Variants in INPP4B observed in about 807,000 individuals in gnomAD.
The protein encoded by INPP4B is inositol polyphosphate-4-phosphatase type II B, also known as inositol polyphosphate 4-phosphatase type II.
A neutral mutation model predicts 122.5 loss-of-function variants in INPP4B; 55 were observed. The observed-to-expected ratio is 0.45, with a 90% CI of 0.36 to 0.56. The LOEUF is 0.56. INPP4B is among the 20% of genes least tolerant of loss of function. INPP4B has a pLI of 0.00. For missense variants in INPP4B, 1,000 were observed against 1,097.7 expected, an observed-to-expected ratio of 0.91 and a Z score of 1.26; for synonymous variants, 403 against 388.7, an observed-to-expected ratio of 1.04 and a Z score of -0.43.
At chr4:142,645,013 A>G (rs1393440610) in intron 2 of INPP4B, among the ~76,000 whole-genome samples, 1 of 151,966 alleles carries the variant, frequency 6.6e-6, no homozygotes, top group Non-Finnish European at 1.5e-5. Flanking sequence ...ATCTGATTCT[A>G]TAATTACTAA....
At chr4:142,799,326 T>A (rs1229497978) in intron 1 of INPP4B, among the ~76,000 whole-genome samples, 1 of 151,862 alleles carries the variant, frequency 6.6e-6, no homozygotes, top group East Asian at 1.9e-4. Context: ...ATTGTACACA[T>A]TAAAAGGTAT....
At chr4:142,720,084 T>C (rs137997959) in intron 2 of INPP4B, among the ~76,000 whole-genome samples, 1 of 152,284 alleles carries the variant, frequency 6.6e-6, no homozygotes, top group African/African-American at 2.4e-5. Flanking sequence ...ATTACTCAAG[T>C]TCACCCATAA....
chr4:142,841,516 T>G (rs951903511), intron 1 of INPP4B, among the ~76,000 whole-genome samples: 1 of 151,952 alleles, frequency 6.6e-6, no homozygotes, highest in Non-Finnish European at 1.5e-5. Flanking sequence ...ATCTACTTAA[T>G]GCACTACAAC....
In INPP4B at chr4:142,159,413, G is replaced by A. The variant is rs573907060; in HGVS notation, c.1563+945C>T. Among the ~76,000 whole-genome samples the A allele has an allele frequency of 9.6e-4, 146 of 152,014 alleles. 1 individual carries two copies. Among genetic ancestry groups the A allele is most frequent in the Non-Finnish European group, 1.4e-3 (96 of 67,920 alleles). On this transcript the variant is annotated intron_variant, in intron 17 of 25. Coordinates refer to ENST00000262992, the MANE Select transcript of INPP4B (RefSeq NM_001101669.3). ...TGGAGCCCACCTCTGTCATTTTTGT[G>A]ATAGAAATTTTACCAAAAGAAAAAG... is the stretch of plus-strand genomic sequence containing the variant.
intron 25 of INPP4B, among the ~76,000 whole-genome samples, chr4:142,071,358 C>T (rs1399836157): frequency 1.3e-5 from 2 of 152,044 alleles, no homozygotes; most frequent in East Asian, 3.9e-4. Flanking sequence ...AAGACTTAAA[C>T]ATTAGACCTA....
intron 20 of INPP4B, among the ~76,000 whole-genome samples, chr4:142,122,711 T>A (rs947361169): frequency 6.6e-6 from 1 of 152,110 alleles, no homozygotes; most frequent in African/African-American, 2.4e-5. Context: ...GTGAGCCACA[T>A]ATATAATTTT....
chr4:142,757,595 T>TAG (rs1561035961), intron 1 of INPP4B, among the ~76,000 whole-genome samples: 1 of 152,206 alleles, frequency 6.6e-6, no homozygotes, highest in Non-Finnish European at 1.5e-5. Context: ...TTCCTCCGTG[T>TAG]CTTTTTCTAA....
At chr4:142,202,255 ACT>A (rs1192991676) in intron 14 of INPP4B, among the ~76,000 whole-genome samples, 1 of 151,988 alleles carries the variant, frequency 6.6e-6, no homozygotes, top group African/African-American at 2.4e-5. Context: ...TGAGATAATA[ACT>A]CTATTTTTCC....
intron 7 of INPP4B, among the ~76,000 whole-genome samples, chr4:142,372,561 A>G (rs967358310): frequency 6.6e-6 from 1 of 152,060 alleles, no homozygotes; most frequent in Admixed American, 6.6e-5. Flanking sequence ...ATAAAAGCAG[A>G]AAATATCATA....
At chr4:142,034,964 C>CTT (rs1264367615) in intron 25 of INPP4B, among the ~76,000 whole-genome samples, 3 of 152,026 alleles carry the variant, frequency 2.0e-5, no homozygotes, top group African/African-American at 2.4e-5. Flanking sequence ...CACACATATA[C>CTT]CATCTCTGAC....
chr4:142,586,057 C>T (rs1004293566), intron 2 of INPP4B, among the ~76,000 whole-genome samples: 10 of 152,104 alleles, frequency 6.6e-5, no homozygotes, highest in Admixed American at 3.9e-4. Context: ...TGCCTGTAAT[C>T]CCATCACCTT....
In INPP4B at chr4:142,525,874, A is replaced by C. The variant is rs527489682; in HGVS notation, c.-190-63148T>G. Among the ~76,000 whole-genome samples the C allele has an allele frequency of 5.5e-3, 832 of 151,502 alleles. 2 individuals are homozygous for C. Among genetic ancestry groups the C allele is most frequent in the African/African-American group, 0.019 (783 of 41,318 alleles). The stretch of plus-strand genomic sequence containing the variant: ...ACACCAAAAGCAATGGCAACAAAAG[A>C]CAAAATTGACAAATGGGATCTAATT... On this transcript the variant is annotated intron_variant, in intron 2 of 25. Transcript: ENST00000262992.
chr4:142,058,751 C>CA (rs1759036939), intron 25 of INPP4B, among the ~76,000 whole-genome samples: 1 of 152,076 alleles, frequency 6.6e-6, no homozygotes, highest in South Asian at 2.1e-4. Context: ...GATTCTTGGA[C>CA]AAAATCAACT....
At chr4:142,679,214 T>G (rs1758236810) in intron 2 of INPP4B, among the ~76,000 whole-genome samples, 1 of 151,880 alleles carries the variant, frequency 6.6e-6, no homozygotes, top group South Asian at 2.1e-4. Flanking sequence ...TGCATGTGAT[T>G]TCTTTGGAGG....
At chr4:142,664,282 C>T (rs1755665911) in intron 2 of INPP4B, among the ~76,000 whole-genome samples, 1 of 152,134 alleles carries the variant, frequency 6.6e-6, no homozygotes, top group Non-Finnish European at 1.5e-5. Context: ...AAGCTATTTA[C>T]CTGGCTCACT....
intron 7 of INPP4B, among the ~76,000 whole-genome samples, chr4:142,389,550 GA>G (rs1797037326): frequency 6.6e-6 from 1 of 152,132 alleles, no homozygotes. Context: ...TAGGTTTGTT[GA>G]ATGCTTTAAG....
chr4:142,810,570 A>C (rs1779385052), intron 1 of INPP4B, among the ~76,000 whole-genome samples: 1 of 152,206 alleles, frequency 6.6e-6, no homozygotes, highest in Non-Finnish European at 1.5e-5. Flanking sequence ...GCTAATATAC[A>C]CAATCATATT....
intron 9 of INPP4B, among the ~76,000 whole-genome samples, chr4:142,279,874 T>C (rs1377605313): frequency 4.6e-5 from 7 of 151,926 alleles, no homozygotes; most frequent in African/African-American, 1.4e-4. Context: ...ATCCAAAGTA[T>C]ATAAAGAGCT....
chr4:142,347,866 CACCT>C (rs1307251447), intron 7 of INPP4B, among the ~76,000 whole-genome samples: 1 of 151,950 alleles, frequency 6.6e-6, no homozygotes, highest in Non-Finnish European at 1.5e-5. Flanking sequence ...AAACTGCTCC[CACCT>C]CAAAGCTAAA....
Sources: allele counts gnomAD v4.1 joint callset (sites outside exome capture counted in the v4.1 genomes callset), GRCh38; gene constraint gnomAD v4.1.1; transcripts MANE v1.5; gene names NCBI Gene and HGNC (gene_info 2026-07-23, HGNC 2026-07-21).